SMOC1: variants seen among roughly 807,000 people sequenced by gnomAD.
The protein encoded by SMOC1 is SPARC related modular calcium binding 1.
A neutral mutation model predicts 56.3 loss-of-function variants in SMOC1; 22 were observed. The observed-to-expected ratio is 0.39, with a 90% confidence interval of 0.28 to 0.56. SMOC1 has a LOEUF of 0.56. Ranked by LOEUF, SMOC1 falls within the 20% of genes least tolerant of loss-of-function variation. The probability of loss-of-function intolerance (pLI) is 0.61; values close to 1 mark genes in which losing one functional copy is unlikely to be tolerated. For missense variants in SMOC1, 509 were observed against 565.4 expected (o/e 0.90, Z 1.01); for synonymous variants, 193 against 215.0 (o/e 0.90, Z 0.89).
At chr14:69,958,046 A>G (rs945809212) in intron 3 of SMOC1, among the ~76,000 whole-genome samples, 1 of 152,234 alleles carries the variant, frequency 6.6e-6, no homozygotes, top group Non-Finnish European at 1.5e-5. Context: ...AATGCCTTTT[A>G]TTGTTAAGAA....
chr14:69,950,545 G>A (rs1260032454), intron 1 of SMOC1, among the ~76,000 whole-genome samples: 1 of 152,166 alleles, frequency 6.6e-6, no homozygotes, highest in East Asian at 1.9e-4. Context: ...ATTACCGATG[G>A]CCTGATTTGT....
rs1173154686 is a variant in SMOC1, at chr14:69,994,465, A to C, written c.649A>C (p.Asn217His). Residue 217 changes from asparagine (N) to histidine (H), a missense_variant, in exon 7 of 12, where the codon AAC becomes CAC. Transcript: ENST00000361956. ...VIKDSKLNNT[N>H]IRNSEKVYSC... ...CAAGGACTCCAAACTGAACAACACC[A>C]ACATAAGAAATTCAGGTAAATAACC... The C allele has an allele frequency of 6.2e-7, 1 of 1,613,072 alleles. No homozygotes were observed. Among genetic ancestry groups the C allele is most frequent in the South Asian group, 1.1e-5 (1 of 91,058 alleles).
chr14:69,897,519 G>T (rs1884130432), intron 1 of SMOC1, among the ~76,000 whole-genome samples: 1 of 150,782 alleles, frequency 6.6e-6, no homozygotes. Flanking sequence ...TTTTAATTGA[G>T]CATTTTTAAT....
intron 11 of SMOC1, among the ~76,000 whole-genome samples, chr14:70,026,715 C>T (rs537649352): frequency 4.1e-4 from 62 of 152,156 alleles, no homozygotes; most frequent in Middle Eastern, 3.4e-3. Flanking sequence ...CCAGAAAGCC[C>T]GTGTCTGTGA....
At chr14:69,966,776 A>G (rs918960426) in intron 3 of SMOC1, among the ~76,000 whole-genome samples, 2 of 152,212 alleles carry the variant, frequency 1.3e-5, no homozygotes, top group Non-Finnish European at 2.9e-5. Context: ...CTTCCAAGAG[A>G]TGACTTCAGT....
rs537595319 is a variant in SMOC1 at position 69,968,267 on chromosome 14, C to T, written c.379-7448C>T. Among the ~76,000 whole-genome samples the T allele has an allele frequency of 2.0e-5, 3 of 152,284 alleles. No individual in the cohort carries two copies. The South Asian group carries it at 6.2e-4, about 32-fold the overall frequency. On this transcript the variant is annotated intron_variant, in intron 3 of 11. Transcript: ENST00000361956. The stretch of plus-strand genomic sequence containing the variant: ...CAGCGGCAAGAGCATTGCCAGAGAA[C>T]CTGTTAGAAATGCAAATGCTCCAGA...
At chr14:70,016,076 C>G (rs1419792780) in intron 10 of SMOC1, among the ~76,000 whole-genome samples, 1 of 152,182 alleles carries the variant, frequency 6.6e-6, no homozygotes. Flanking sequence ...GGAGGCAGGA[C>G]TTCAAGCTCC....
intron 11 of SMOC1, among the ~76,000 whole-genome samples, chr14:70,028,814 G>A (rs1886029128): frequency 6.6e-6 from 1 of 152,138 alleles, no homozygotes; most frequent in African/African-American, 2.4e-5. Context: ...CTGTAAAATT[G>A]GATAAACCGA....
At position 69,901,814 on chromosome 14, in the gene SMOC1, A is replaced by G. The variant is rs528988329; in HGVS notation, c.99+22037A>G. On this transcript the variant is annotated intron_variant, in intron 1 of 11. Transcript: ENST00000361956. Reference sequence around the variant, plus strand: ...GTCAGCTGGCAAAATTCCATGATGCATTGGGAGAGGGAAATTCAGTGCATT... The same window carrying G: ...GTCAGCTGGCAAAATTCCATGATGCGTTGGGAGAGGGAAATTCAGTGCATT... Among the ~76,000 whole-genome samples, 3 of 152,346 alleles carry G rather than the reference A, an allele frequency of 2.0e-5. No homozygotes were observed. The East Asian group carries it at 5.8e-4, about 29-fold the overall frequency.
At position 69,892,087 on chromosome 14, in the gene SMOC1, C is replaced by T. The variant is rs141902005; in HGVS notation, c.99+12310C>T. Among the ~76,000 whole-genome samples the T allele has an allele frequency of 1.8e-3, 273 of 152,228 alleles. 1 individual carries two copies. The highest frequency in any genetic ancestry group is 2.6e-3 in the Non-Finnish European group (177 of 68,010). Reference sequence around the variant, plus strand: ...TGTCTCAGTATGTTATATGAAAGGACGAGGGTTTCAATCCACTGAACTTTT... The same window carrying T: ...TGTCTCAGTATGTTATATGAAAGGATGAGGGTTTCAATCCACTGAACTTTT... On this transcript the variant is annotated intron_variant, in intron 1 of 11. Coordinates refer to ENST00000361956, the MANE Select transcript of SMOC1 (RefSeq NM_001034852.3).
intron 5 of SMOC1, among the ~76,000 whole-genome samples, chr14:69,984,361 A>G (rs561388551): frequency 1.3e-5 from 2 of 152,352 alleles, no homozygotes; most frequent in South Asian, 4.1e-4. Flanking sequence ...TTCACCACCA[A>G]AAACATAATC....
At chr14:70,027,809 G>A (rs1885987833) in intron 11 of SMOC1, among the ~76,000 whole-genome samples, 1 of 152,196 alleles carries the variant, frequency 6.6e-6, no homozygotes, top group South Asian at 2.1e-4. Flanking sequence ...GGTACATAGC[G>A]AAGGCACAAA....
chr14:69,978,174 G>A, intron 5 of SMOC1: 1 of 621,384 alleles, frequency 1.6e-6, no homozygotes, highest in Admixed American at 2.4e-5. Flanking sequence ...GATTTCCCAA[G>A]GGAGGTGACT....
At chr14:69,967,639 A>G (rs376646345) in intron 3 of SMOC1, among the ~76,000 whole-genome samples, 2 of 152,218 alleles carry the variant, frequency 1.3e-5, no homozygotes, top group African/African-American at 2.4e-5. Flanking sequence ...CACATATCCT[A>G]TATCTACACT....
At chr14:70,015,674 A>G (rs1164162546) in intron 10 of SMOC1, among the ~76,000 whole-genome samples, 1 of 152,070 alleles carries the variant, frequency 6.6e-6, no homozygotes, top group Admixed American at 6.5e-5. Context: ...AGATGAAGAC[A>G]GGGTTCAACA....
chr14:69,938,196 C>G lies in SMOC1; in HGVS notation c.100-13942C>G, dbSNP rs140796859. On this transcript the variant is annotated intron_variant, in intron 1 of 11. Coordinates refer to ENST00000361956, the MANE Select transcript of SMOC1 (RefSeq NM_001034852.3). ...CCTATGACACTGAAATATACCAGTT[C>G]TCCATTTTGTTATTACAGAGCCATG... Among the ~76,000 whole-genome samples, 8 of 152,208 alleles carry G rather than the reference C, an allele frequency of 5.3e-5. No individual in the cohort carries two copies. In the East Asian group the frequency reaches 1.5e-3, roughly 29 times the overall value.
intron 1 of SMOC1, among the ~76,000 whole-genome samples, chr14:69,922,040 C>A (rs761984230): frequency 6.6e-6 from 1 of 152,176 alleles, no homozygotes; most frequent in African/African-American, 2.4e-5. Flanking sequence ...AGGCAGTGCC[C>A]CAGGTCAGAG....
At chr14:69,891,861 C>T (rs1044504153) in intron 1 of SMOC1, among the ~76,000 whole-genome samples, 11 of 152,062 alleles carry the variant, frequency 7.2e-5, no homozygotes, top group Admixed American at 4.6e-4. Flanking sequence ...AAGTATGACC[C>T]GCATAAAAAT....
chr14:70,003,733 T>G (rs1479999076), intron 7 of SMOC1, among the ~76,000 whole-genome samples: 1 of 152,114 alleles, frequency 6.6e-6, no homozygotes, highest in Non-Finnish European at 1.5e-5. Context: ...CGAGGGCAGA[T>G]CCTCCACTGC....
Sources: gnomAD v4.1 joint callset for allele counts (sites outside exome capture counted in the v4.1 genomes callset) on GRCh38, gnomAD v4.1.1 for gene constraint, MANE v1.5 for transcripts, NCBI Gene and HGNC (gene_info 2026-07-23, HGNC 2026-07-21) for gene names.